GNG12: variants seen among roughly 807,000 people sequenced by gnomAD.
GNG12 encodes guanine nucleotide-binding protein G(I)/G(S)/G(O) subunit gamma-12.
For missense variants in GNG12, 69 were observed against 83.8 expected (o/e 0.82, Z 0.69); for synonymous variants, 28 against 29.7 (o/e 0.94, Z 0.19).
intron 2 of GNG12, among the ~76,000 whole-genome samples, chr1:67,728,904 A>G (rs1646402709): frequency 1.3e-5 from 2 of 152,250 alleles, no homozygotes; most frequent in Non-Finnish European, 2.9e-5. Context: ...CAAAGGCACC[A>G]CTGTTGGTAG....
At chr1:67,754,740 T>C (rs543010595) in intron 2 of GNG12, among the ~76,000 whole-genome samples, 2 of 152,228 alleles carry the variant, frequency 1.3e-5, no homozygotes, top group African/African-American at 4.8e-5. Flanking sequence ...CCCATCAGGA[T>C]ACCGAGCACA....
chr1:67,805,050 C>T (rs911152782), intron 1 of GNG12, among the ~76,000 whole-genome samples: 2 of 152,174 alleles, frequency 1.3e-5, no homozygotes, highest in Non-Finnish European at 2.9e-5. Context: ...CAGAGCCTAA[C>T]TTATCTGGGG....
intron 1 of GNG12, 99 bp from the exon 2 acceptor site, chr1:67,777,606 T>C (rs1405672448): frequency 5.5e-6 from 1 of 182,784 alleles, no homozygotes; most frequent in Non-Finnish European, 1.0e-5. Flanking sequence ...CATTTATTCA[T>C]GTATTTAAAG....
At chr1:67,830,950 C>A (rs1215925961) in intron 1 of GNG12, among the ~76,000 whole-genome samples, 1 of 152,158 alleles carries the variant, frequency 6.6e-6, no homozygotes, top group Non-Finnish European at 1.5e-5. Flanking sequence ...TAAGTGTTTT[C>A]CAAAGACAAA....
In GNG12 at chr1:67,710,024, TTA is replaced by T. The variant is rs1332672410; in HGVS notation, c.-26-2314_-26-2313del. Among the ~76,000 whole-genome samples the T allele has an allele frequency of 6.5e-4, 17 of 26,038 alleles. 2 individuals are homozygous for T. The highest frequency in any genetic ancestry group is 7.9e-4 in the Non-Finnish European group (10 of 12,726). The allele number at this position is 26,038 out of a possible 152,430, so 17.1% of individuals were successfully genotyped here. On this transcript the variant is annotated intron_variant, in intron 2 of 3. Transcript: ENST00000370982. ...GTTATATATATAGTTATATATATAG[TTA>T]TATATATATAGTTATATATATAGTT...
intron 1 of GNG12, among the ~76,000 whole-genome samples, chr1:67,793,533 ATT>A (rs980278674): frequency 6.9e-6 from 1 of 145,232 alleles, no homozygotes. Flanking sequence ...AAGCACTTTG[ATT>A]TTTTTTTTTT....
intron 2 of GNG12, among the ~76,000 whole-genome samples, chr1:67,724,734 C>T (rs1646376786): frequency 6.6e-6 from 1 of 152,128 alleles, no homozygotes; most frequent in African/African-American, 2.4e-5. Context: ...AATGCATCTA[C>T]AGTGATAGAA....
chr1:67,718,361 T>TAA (rs66580124), intron 2 of GNG12, among the ~76,000 whole-genome samples: 3 of 148,982 alleles, frequency 2.0e-5, no homozygotes, highest in African/African-American at 7.4e-5. Flanking sequence ...GTAGCCATAT[T>TAA]AAAAAAAAAA....
At chr1:67,750,253 G>A (rs1321765058) in intron 2 of GNG12, among the ~76,000 whole-genome samples, 1 of 152,196 alleles carries the variant, frequency 6.6e-6, no homozygotes, top group African/African-American at 2.4e-5. Flanking sequence ...AAAAATGAGA[G>A]AGTCTTTGGT....
At chr1:67,811,763 GT>G (rs1267640605) in intron 1 of GNG12, among the ~76,000 whole-genome samples, 1 of 151,908 alleles carries the variant, frequency 6.6e-6, no homozygotes. Context: ...TCAAAGTTTG[GT>G]GGCATACTCC....
chr1:67,740,762 T>G (rs775974171), intron 2 of GNG12, among the ~76,000 whole-genome samples: 33 of 152,192 alleles, frequency 2.2e-4, no homozygotes, highest in Non-Finnish European at 4.1e-4. Flanking sequence ...AGGGAGCTAA[T>G]TGGCCATTCC....
At chr1:67,812,543 C>G (rs900488040) in intron 1 of GNG12, among the ~76,000 whole-genome samples, 7 of 152,122 alleles carry the variant, frequency 4.6e-5, no homozygotes, top group Non-Finnish European at 2.9e-5. Flanking sequence ...TAACTTTCAT[C>G]TTGAGAGGTA....
intron 1 of GNG12, among the ~76,000 whole-genome samples, chr1:67,796,411 C>T (rs990475938): frequency 1.3e-5 from 2 of 152,018 alleles, no homozygotes; most frequent in Non-Finnish European, 2.9e-5. Flanking sequence ...AACTCTGGTT[C>T]GTTAAAGAAT....
chr1:67,730,182 A>G (rs1646410695), intron 2 of GNG12, among the ~76,000 whole-genome samples: 1 of 152,204 alleles, frequency 6.6e-6, no homozygotes, highest in African/African-American at 2.4e-5. Flanking sequence ...CATAAAATTG[A>G]GTGAAAGAAG....
In GNG12 at chr1:67,790,341, C is replaced by T. The variant is rs1466382195; in HGVS notation, c.-76-12834G>A. The stretch of plus-strand genomic sequence containing the variant: ...ATACATTCTGAACTACACAAACAAT[C>T]TGCTGCCCAGCGTTTAGGGAAATAT... On this transcript the variant is annotated intron_variant, in intron 1 of 3. Coordinates refer to ENST00000370982, the MANE Select transcript of GNG12 (RefSeq NM_018841.6). Among the ~76,000 whole-genome samples the T allele has an allele frequency of 3.3e-5, 5 of 152,190 alleles. No individual in the cohort carries two copies. The East Asian group carries it at 9.6e-4, about 29-fold the overall frequency.
intron 1 of GNG12, among the ~76,000 whole-genome samples, chr1:67,790,266 G>C (rs150302317): frequency 6.6e-6 from 1 of 152,040 alleles, no homozygotes; most frequent in African/African-American, 2.4e-5. Flanking sequence ...TTGCACCCCC[G>C]CCTCCACCAG....
chr1:67,831,834 T>C (rs535175470), intron 1 of GNG12, among the ~76,000 whole-genome samples: 8 of 152,332 alleles, frequency 5.3e-5, no homozygotes, highest in African/African-American at 1.9e-4. Context: ...TGTGATTGTT[T>C]TGGCAATAGT....
intron 2 of GNG12, among the ~76,000 whole-genome samples, chr1:67,716,271 C>T (rs1332735033): frequency 3.3e-5 from 5 of 152,206 alleles, no homozygotes; most frequent in Non-Finnish European, 7.3e-5. Context: ...TCTGTAAAAA[C>T]AGCAGGCTTT....
At chr1:67,828,397 C>G (rs1013488068) in intron 1 of GNG12, among the ~76,000 whole-genome samples, 1 of 152,198 alleles carries the variant, frequency 6.6e-6, no homozygotes, top group Non-Finnish European at 1.5e-5. Flanking sequence ...GCACCTCCAT[C>G]TCCGTGCAGA....
Sources: gnomAD v4.1 joint callset for allele counts (sites outside exome capture counted in the v4.1 genomes callset) on GRCh38, gnomAD v4.1.1 for gene constraint, MANE v1.5 for transcripts, NCBI Gene and HGNC (gene_info 2026-07-23, HGNC 2026-07-21) for gene names.